The following CCNY variants were observed in gnomAD, a reference collection of about 807,000 sequenced individuals.
CCNY encodes cyclin-Y.
In CCNY, 19 loss-of-function variants were observed where a neutral mutation model predicts 42.8. The observed-to-expected ratio is 0.44, with a 90% CI of 0.31 to 0.65. The LOEUF (loss-of-function observed/expected upper bound fraction) is 0.65. Ranked by LOEUF, CCNY falls within the 30% of genes least tolerant of loss-of-function variation. The probability of loss-of-function intolerance (pLI) is 0.07; values close to 1 mark genes in which losing one functional copy is unlikely to be tolerated. For synonymous variants in CCNY, 165 were observed against 162.7 expected (o/e 1.01, Z -0.11); for missense variants, 370 against 437.3 (o/e 0.85, Z 1.37).
chr10:35,427,376 G>A (rs1179539225), intron 1 of CCNY, among the ~76,000 whole-genome samples: 3 of 152,176 alleles, frequency 2.0e-5, no homozygotes, highest in African/African-American at 4.8e-5. Flanking sequence ...TCCTGTGGAA[G>A]CACCCAGATG....
At chr10:35,553,732 G>A (rs569598485) in intron 8 of CCNY, among the ~76,000 whole-genome samples, 3 of 152,286 alleles carry the variant, frequency 2.0e-5, no homozygotes, top group African/African-American at 4.8e-5. Flanking sequence ...AACAGGGCTC[G>A]GGGAGGGCAT....
chr10:35,322,852 T>C (rs1442839047), intron 3 of CCNY, among the ~76,000 whole-genome samples: 1 of 152,206 alleles, frequency 6.6e-6, no homozygotes, highest in African/African-American at 2.4e-5. Context: ...TTGGTGAGAA[T>C]GTAGGGCAAC....
At chr10:35,362,414 G>A (rs1470433726) in intron 1 of CCNY, among the ~76,000 whole-genome samples, 1 of 152,156 alleles carries the variant, frequency 6.6e-6, no homozygotes, top group Non-Finnish European at 1.5e-5. Flanking sequence ...CAGTAGGGAA[G>A]GCAGTAGGAA....
Position 35,569,159 on chromosome 10 carries a change from A to G in CCNY, c.1015A>G (p.Ile339Val). ...GACTCTGCCCCGGTGGTCCCCAGCC[A>G]TCATCTCTTAACTACGGAGGCCCGC... The part of the protein sequence containing the change: ...NLTLPRWSPA[I>V]IS Residue 339 changes from isoleucine to valine, a missense_variant, in exon 10 of 10, where the codon ATC becomes GTC. By Grantham distance (29) the Ile-to-Val change is conservative (BLOSUM62 3). Around this residue, in one of 2 missense-constraint regions of CCNY, gnomAD observed 234 missense variants for 313.1 expected, o/e 0.75. Coordinates refer to ENST00000374704, the MANE Select transcript of CCNY (RefSeq NM_145012.6). 1 of 1,606,546 alleles carries G rather than the reference A, an allele frequency of 6.2e-7. No individual in the cohort carries two copies. The highest frequency in any genetic ancestry group is 8.5e-7 in the Non-Finnish European group (1 of 1,174,988).
intron 3 of CCNY, among the ~76,000 whole-genome samples, chr10:35,312,640 G>T (rs1835701048): frequency 6.6e-6 from 1 of 151,874 alleles, no homozygotes; most frequent in Admixed American, 6.6e-5. Flanking sequence ...TCATCCTGGG[G>T]TATGTGCCTC....
chr10:35,304,753 C>T (rs1187660123), intron 3 of CCNY, among the ~76,000 whole-genome samples: 1 of 152,148 alleles, frequency 6.6e-6, no homozygotes, highest in Admixed American at 6.5e-5. Flanking sequence ...AATCCCTAGC[C>T]TCTACCCACT....
intron 2 of CCNY, among the ~76,000 whole-genome samples, chr10:35,498,697 G>A (rs1192466069): frequency 6.6e-6 from 1 of 152,186 alleles, no homozygotes; most frequent in East Asian, 1.9e-4. Flanking sequence ...TTGGTTTGGG[G>A]GCGCGGAAGA....
chr10:35,444,391 G>A (rs1389101373), intron 1 of CCNY, among the ~76,000 whole-genome samples: 2 of 152,120 alleles, frequency 1.3e-5, no homozygotes, highest in Non-Finnish European at 2.9e-5. Flanking sequence ...GGGATTATGG[G>A]TGTGCGCCAT....
chr10:35,400,082 G>A (rs1243389075), intron 1 of CCNY, among the ~76,000 whole-genome samples: 1 of 151,866 alleles, frequency 6.6e-6, no homozygotes, highest in Admixed American at 6.5e-5. Context: ...GCTTCCCATC[G>A]CAGATCTCCC....
chr10:35,525,878 A>G, intron 4 of CCNY, 86 bp from the exon 5 acceptor site: 2 of 1,154,830 alleles, frequency 1.7e-6, no homozygotes, highest in East Asian at 2.4e-5. Context: ...TTCTGTTTAA[A>G]TATTTATGTT....
chr10:35,339,381 T>G (rs1025017816), intron 1 of CCNY, among the ~76,000 whole-genome samples: 4 of 152,196 alleles, frequency 2.6e-5, no homozygotes, highest in Non-Finnish European at 5.9e-5. Context: ...AAATTCATTA[T>G]TAGAGGCTGA....
intron 7 of CCNY, among the ~76,000 whole-genome samples, chr10:35,539,566 G>A (rs1840956126): frequency 2.0e-5 from 3 of 152,028 alleles, no homozygotes; most frequent in Admixed American, 6.5e-5. Flanking sequence ...AGGAGGGTGG[G>A]TCACGAGGTC....
intron 4 of CCNY, among the ~76,000 whole-genome samples, chr10:35,520,004 A>T (rs1018667803): frequency 2.0e-5 from 3 of 151,898 alleles, no homozygotes; most frequent in Non-Finnish European, 4.4e-5. Flanking sequence ...GGCTCAAGCA[A>T]TCTACCCACC....
At chr10:35,358,215 CTTT>C (rs34172111) in intron 1 of CCNY, among the ~76,000 whole-genome samples, 17 of 135,560 alleles carry the variant, frequency 1.3e-4, no homozygotes, top group East Asian at 2.1e-4. Context: ...TTAAGCAAGT[CTTT>C]TTTTTTTTTT....
chr10:35,261,148 T>C (rs943440171), intron 3 of CCNY, among the ~76,000 whole-genome samples: 1 of 151,598 alleles, frequency 6.6e-6, no homozygotes, highest in Non-Finnish European at 1.5e-5. Context: ...TGAATAGCTT[T>C]GGCAGGTTGA....
At chr10:35,514,075 CAAAAAAAA>C (rs11451104) in intron 3 of CCNY, among the ~76,000 whole-genome samples, 1 of 76,182 alleles carries the variant, frequency 1.3e-5, no homozygotes, top group South Asian at 5.8e-4. Flanking sequence ...AGGACCAGTT[CAAAAAAAA>C]AAAAAAAAAA....
chr10:35,437,826 T>A (rs1468425671), intron 1 of CCNY, among the ~76,000 whole-genome samples: 1 of 152,230 alleles, frequency 6.6e-6, no homozygotes, highest in Non-Finnish European at 1.5e-5. Flanking sequence ...TCCCCTTAGC[T>A]TTAGCTGAAA....
intron 2 of CCNY, among the ~76,000 whole-genome samples, chr10:35,494,697 C>T (rs1384320974): frequency 6.6e-6 from 1 of 152,162 alleles, no homozygotes; most frequent in Non-Finnish European, 1.5e-5. Flanking sequence ...AATTATTATA[C>T]AATCAGTCAA....
intron 7 of CCNY, among the ~76,000 whole-genome samples, chr10:35,550,272 C>T (rs566541577): frequency 3.1e-4 from 43 of 140,716 alleles, no homozygotes; most frequent in African/African-American, 1.1e-3. Flanking sequence ...TGCTCATAGT[C>T]CGTGACCCTA....
Sources: gnomAD v4.1 joint callset for allele counts (sites outside exome capture counted in the v4.1 genomes callset) on GRCh38, gnomAD v4.1.1 for gene constraint, gnomAD v4.1.1 regional missense constraint, MANE v1.5 for transcripts, NCBI Gene and HGNC (gene_info 2026-07-23, HGNC 2026-07-21) for gene names.